The following SCML4 variants were observed in gnomAD, a reference collection of about 807,000 sequenced individuals.
SCML4 encodes the protein sex comb on midleg-like protein 4.
In SCML4, 34 loss-of-function variants were observed where a neutral mutation model predicts 41.1. The observed-to-expected ratio is 0.83, with a 90% confidence interval of 0.63 to 1.10. The LOEUF (loss-of-function observed/expected upper bound fraction) is 1.10. Ranked by LOEUF, SCML4 falls within the 50% of genes least tolerant of loss-of-function variation. The probability of loss-of-function intolerance (pLI) is 0.00; values close to 1 mark genes in which losing one functional copy is unlikely to be tolerated. For synonymous variants in SCML4, 214 were observed against 220.9 expected (o/e 0.97, Z 0.28); for missense variants, 522 against 534.1 (o/e 0.98, Z 0.22).
At chr6:107,705,925 C>T (rs928972981) in intron 7 of SCML4, among the ~76,000 whole-genome samples, 6 of 152,142 alleles carry the variant, frequency 3.9e-5, no homozygotes, top group East Asian at 1.9e-4. Context: ...GGTTTGGTCC[C>T]GGTGTTGCTG....
intron 1 of SCML4, among the ~76,000 whole-genome samples, chr6:107,808,231 T>C (rs1385666194): frequency 6.6e-6 from 1 of 152,146 alleles, no homozygotes. Context: ...TATGACAACT[T>C]GTTCTTGGCA....
intron 4 of SCML4, 83 bp from the exon 5 acceptor site, chr6:107,745,226 T>A: frequency 1.0e-6 from 1 of 992,276 alleles, no homozygotes; most frequent in Non-Finnish European, 1.5e-6. Context: ...GATTTTTCGT[T>A]TGTTCATTTT....
intron 6 of SCML4, 81 bp from the exon 7 acceptor site, chr6:107,708,092 G>A: frequency 6.8e-7 from 1 of 1,472,842 alleles, no homozygotes; most frequent in South Asian, 1.3e-5. Context: ...CCCCCACCTA[G>A]CCTGGAAGGG....
At chr6:107,737,321 G>A (rs1225068661) in intron 5 of SCML4, among the ~76,000 whole-genome samples, 1 of 152,124 alleles carries the variant, frequency 6.6e-6, no homozygotes, top group African/African-American at 2.4e-5. Context: ...GGTGCTTGCT[G>A]GCCATGGGGA....
At chr6:107,751,604 TTCTTTC>T (rs1778653155) in intron 2 of SCML4, among the ~76,000 whole-genome samples, 1 of 143,872 alleles carries the variant, frequency 7.0e-6, no homozygotes. Flanking sequence ...CTTTCTTTCT[TTCTTTC>T]TTTCTTTCTT....
At chr6:107,736,476 T>G (rs938919642) in intron 5 of SCML4, among the ~76,000 whole-genome samples, 1 of 152,144 alleles carries the variant, frequency 6.6e-6, no homozygotes, top group African/African-American at 2.4e-5. Context: ...GAAGACCTGC[T>G]CTCGGTTTCC....
At chr6:107,762,775 C>CATGA (rs1247934673) in intron 2 of SCML4, among the ~76,000 whole-genome samples, 3 of 151,616 alleles carry the variant, frequency 2.0e-5, no homozygotes, top group African/African-American at 7.3e-5. Flanking sequence ...ACACCTTGAT[C>CATGA]ATGAACTTGT....
chr6:107,804,049 CA>C (rs1206492732), intron 1 of SCML4, among the ~76,000 whole-genome samples: 68 of 79,306 alleles, frequency 8.6e-4, no homozygotes, highest in Admixed American at 1.7e-3. Context: ...TGATCAATAA[CA>C]AAAAAAAAAA....
At chr6:107,802,017 C>T (rs765324647) in intron 1 of SCML4, among the ~76,000 whole-genome samples, 3 of 152,030 alleles carry the variant, frequency 2.0e-5, no homozygotes, top group Admixed American at 6.5e-5. Flanking sequence ...ATGATCTGCC[C>T]GCCTCTGTCT....
At chr6:107,806,195 C>A (rs5878941) in intron 1 of SCML4, among the ~76,000 whole-genome samples, 8,348 of 151,550 alleles carry the variant, frequency 0.055, 801 homozygotes, top group African/African-American at 0.19. Flanking sequence ...TTCCCCCCCC[C>A]CAATAAACAA....
At chr6:107,780,506 G>C (rs1781400072) in intron 1 of SCML4, among the ~76,000 whole-genome samples, 1 of 152,128 alleles carries the variant, frequency 6.6e-6, no homozygotes, top group South Asian at 2.1e-4. Flanking sequence ...CCAGGAGTTT[G>C]AGACCAGCTA....
At chr6:107,802,824 G>A (rs1034819432) in intron 1 of SCML4, among the ~76,000 whole-genome samples, 2 of 150,802 alleles carry the variant, frequency 1.3e-5, no homozygotes, top group African/African-American at 2.5e-5. Flanking sequence ...CTGCCATCTC[G>A]GCTCACTGCA....
At chr6:107,833,501 G>A in the SCML4 span, among the ~76,000 whole-genome samples, 2 of 152,148 alleles carry the variant, frequency 1.3e-5, no homozygotes, top group Non-Finnish European at 2.9e-5. Flanking sequence ...CCTGAAGAGT[G>A]TCTGGACTGC....
chr6:107,804,844 C>T (rs1247596293), intron 1 of SCML4, among the ~76,000 whole-genome samples: 1 of 152,146 alleles, frequency 6.6e-6, no homozygotes, highest in Admixed American at 6.5e-5. Context: ...ATGGTGTGCC[C>T]CTGTGGTCCC....
chr6:107,789,494 C>A (rs962944692), intron 1 of SCML4, among the ~76,000 whole-genome samples: 2 of 152,194 alleles, frequency 1.3e-5, no homozygotes, highest in African/African-American at 4.8e-5. Flanking sequence ...TTCCCTATGT[C>A]CTGCGTCGTT....
At chr6:107,715,144 T>C (rs371771884) in intron 6 of SCML4, among the ~76,000 whole-genome samples, 2,161 of 146,608 alleles carry the variant, frequency 0.015, 73 homozygotes, top group African/African-American at 0.053. Context: ...CCAGCTAATT[T>C]TTGTATTTTT....
intron 1 of SCML4, among the ~76,000 whole-genome samples, chr6:107,819,012 A>G (rs1349721692): frequency 1.3e-5 from 2 of 152,058 alleles, no homozygotes; most frequent in Non-Finnish European, 2.9e-5. Flanking sequence ...AAGAGAAAAT[A>G]TTTTCTTCAG....
chr6:107,790,672 T>A (rs1387544057), intron 1 of SCML4, among the ~76,000 whole-genome samples: 1 of 152,074 alleles, frequency 6.6e-6, no homozygotes, highest in Non-Finnish European at 1.5e-5. Flanking sequence ...CAAAGGGATG[T>A]CAAACAAGCG....
intron 1 of SCML4, among the ~76,000 whole-genome samples, chr6:107,813,415 TATATATATAAAA>T (rs1257036546): frequency 1.3e-3 from 26 of 20,208 alleles, no homozygotes; most frequent in Non-Finnish European, 2.8e-3. Flanking sequence ...TATATATATA[TATATATATAAAA>T]CTGTAAAATT....
Sources: allele counts gnomAD v4.1 joint callset (sites outside exome capture counted in the v4.1 genomes callset), GRCh38; gene constraint gnomAD v4.1.1; transcripts MANE v1.5; gene names NCBI Gene and HGNC (gene_info 2026-07-23, HGNC 2026-07-21).